Variants in AGBL4 observed in about 807,000 individuals in gnomAD.
AGBL4 encodes the protein AGBL carboxypeptidase 4.
AGBL4 carries 58 observed loss-of-function variants against 66.4 expected under a neutral mutation model. That is an observed-to-expected ratio of 0.87 (90% CI 0.71 to 1.09). The LOEUF (loss-of-function observed/expected upper bound fraction) is 1.09. Among genes scored for constraint, AGBL4 ranks in the 50% least tolerant of loss-of-function variants. The pLI is 0.00. For missense variants in AGBL4, 579 were observed against 631.0 expected (o/e 0.92, Z 0.88); for synonymous variants, 234 against 222.9 (o/e 1.05, Z -0.44).
At chr1:48,776,829 C>T in intron 6 of AGBL4, 1 of 1,503,124 alleles carries the variant, frequency 6.7e-7, no homozygotes, top group Non-Finnish European at 8.9e-7. Context: ...CAAAGGCGTA[C>T]ATGGTGGGCG....
intron 4 of AGBL4, among the ~76,000 whole-genome samples, chr1:49,100,087 G>A (rs1645173842): frequency 6.6e-6 from 1 of 152,210 alleles, no homozygotes; most frequent in East Asian, 1.9e-4. Context: ...AAACTGAAGA[G>A]GAAATTAGCA....
At chr1:49,380,665 G>C (rs1176972917) in intron 3 of AGBL4, among the ~76,000 whole-genome samples, 3 of 152,112 alleles carry the variant, frequency 2.0e-5, no homozygotes, top group Admixed American at 6.5e-5. Flanking sequence ...CAATGGAACA[G>C]AACAGAGCCC....
intron 4 of AGBL4, among the ~76,000 whole-genome samples, chr1:49,092,367 T>C (rs1287422709): frequency 6.6e-6 from 1 of 152,128 alleles, no homozygotes; most frequent in African/African-American, 2.4e-5. Flanking sequence ...TTTGCTGAGC[T>C]AAATTCCTTA....
chr1:49,954,444 C>T (rs1039010492), intron 1 of AGBL4, among the ~76,000 whole-genome samples: 2 of 151,940 alleles, frequency 1.3e-5, no homozygotes, highest in African/African-American at 2.4e-5. Context: ...CCGCTCCTCC[C>T]TTTCTCTTTC....
intron 5 of AGBL4, among the ~76,000 whole-genome samples, chr1:48,896,750 G>T (rs2148863417): frequency 6.7e-6 from 1 of 148,378 alleles, no homozygotes; most frequent in African/African-American, 2.5e-5. Flanking sequence ...TAGTCCAAAA[G>T]GTAGAGAATA....
intron 3 of AGBL4, among the ~76,000 whole-genome samples, chr1:49,572,444 A>G (rs1644350103): frequency 6.6e-6 from 1 of 152,038 alleles, no homozygotes; most frequent in Admixed American, 6.6e-5. Flanking sequence ...TTATTTAGGT[A>G]TTCCTCTTCT....
intron 3 of AGBL4, among the ~76,000 whole-genome samples, chr1:49,329,149 A>T (rs1645280575): frequency 6.6e-6 from 1 of 151,064 alleles, no homozygotes; most frequent in Admixed American, 6.6e-5. Flanking sequence ...TCTACTAAAT[A>T]TACAAAAATT....
chr1:49,820,881 C>T (rs999929255), intron 2 of AGBL4, among the ~76,000 whole-genome samples: 8 of 152,208 alleles, frequency 5.3e-5, no homozygotes, highest in African/African-American at 1.9e-4. Context: ...CAAGTCACAA[C>T]TTCTCTAAAT....
At chr1:49,648,615 C>T (rs926713650) in intron 3 of AGBL4, among the ~76,000 whole-genome samples, 4 of 151,782 alleles carry the variant, frequency 2.6e-5, no homozygotes, top group African/African-American at 4.8e-5. Flanking sequence ...AAAAAGAATA[C>T]AGAGGAAATA....
At chr1:48,560,986 C>G (rs528232963) in intron 11 of AGBL4, among the ~76,000 whole-genome samples, 1 of 152,348 alleles carries the variant, frequency 6.6e-6, no homozygotes, top group South Asian at 2.1e-4. Context: ...TGTCTAGTTT[C>G]TCCTCCATAG....
chr1:48,812,677 A>G (rs1317328769), intron 6 of AGBL4, among the ~76,000 whole-genome samples: 2 of 152,192 alleles, frequency 1.3e-5, no homozygotes, highest in Non-Finnish European at 2.9e-5. Context: ...TTATTGCGGC[A>G]CTATTCACAA....
intron 3 of AGBL4, among the ~76,000 whole-genome samples, chr1:49,392,698 T>TACACAC (rs55786055): frequency 5.9e-4 from 87 of 147,620 alleles, no homozygotes; most frequent in East Asian, 2.4e-3. Context: ...CAACTGTGTA[T>TACACAC]ACACACACAC....
At chr1:49,364,525 C>T (rs898205194) in intron 3 of AGBL4, among the ~76,000 whole-genome samples, 13 of 151,878 alleles carry the variant, frequency 8.6e-5, no homozygotes, top group African/African-American at 2.9e-4. Context: ...GTTGCCCAGG[C>T]TGGAGTCAGT....
chr1:49,407,598 CT>C (rs1316901607), intron 3 of AGBL4, among the ~76,000 whole-genome samples: 1 of 152,058 alleles, frequency 6.6e-6, no homozygotes, highest in Non-Finnish European at 1.5e-5. Flanking sequence ...AATATTACTT[CT>C]GAGATGATAC....
chr1:49,001,113 C>A (rs769554464), intron 5 of AGBL4, among the ~76,000 whole-genome samples: 1 of 152,124 alleles, frequency 6.6e-6, no homozygotes, highest in East Asian at 1.9e-4. Flanking sequence ...TCTCTTTAAA[C>A]CATTATGCTT....
intron 6 of AGBL4, among the ~76,000 whole-genome samples, chr1:48,777,954 G>A (rs958802349): frequency 3.3e-5 from 5 of 152,136 alleles, no homozygotes; most frequent in African/African-American, 4.8e-5. Context: ...GTGAGGACCA[G>A]CCAAAGGGGG....
intron 9 of AGBL4, among the ~76,000 whole-genome samples, chr1:48,600,260 G>C (rs1645054371): frequency 6.6e-6 from 1 of 152,164 alleles, no homozygotes; most frequent in South Asian, 2.1e-4. Context: ...CTTAGACTCA[G>C]AGAAAGGGGT....
intron 3 of AGBL4, among the ~76,000 whole-genome samples, chr1:49,339,138 A>G (rs1201573073): frequency 2.0e-5 from 3 of 152,108 alleles, no homozygotes; most frequent in African/African-American, 7.2e-5. Context: ...GGAAGAGTGC[A>G]TTGTTACTGC....
chr1:50,016,216 G>A (rs1326237039), intron 1 of AGBL4, among the ~76,000 whole-genome samples: 1 of 152,152 alleles, frequency 6.6e-6, no homozygotes, highest in African/African-American at 2.4e-5. Flanking sequence ...GAAAACTTTT[G>A]CAAACTATGC....
Sources: gnomAD v4.1 joint callset for allele counts (sites outside exome capture counted in the v4.1 genomes callset) on GRCh38, gnomAD v4.1.1 for gene constraint, MANE v1.5 for transcripts, NCBI Gene and HGNC (gene_info 2026-07-23, HGNC 2026-07-21) for gene names.